AAK1: variants seen among roughly 807,000 people sequenced by gnomAD.
AAK1 encodes AP2 associated kinase 1.
AAK1 carries 37 observed loss-of-function variants against 116.0 expected under a neutral mutation model. That is an observed-to-expected ratio of 0.32 (90% CI 0.25 to 0.42). AAK1 has a LOEUF of 0.42. AAK1 is among the 10% of genes least tolerant of loss of function. The pLI, the probability that AAK1 is intolerant of heterozygous loss-of-function variation, is 1.00. For missense variants in AAK1, 919 were observed against 1,170.6 expected (o/e 0.79, Z 3.14); for synonymous variants, 458 against 439.9 (o/e 1.04, Z -0.51).
Position 69,458,209 on chromosome 2 carries a change from C to T in AAK1, c.*17660G>A, listed in dbSNP as rs1246599551. On this transcript the variant is annotated 3_prime_UTR_variant, in exon 22 of 22. Transcript: ENST00000409085. ...TGTTCACAGCCCGAGATTATGTGTA[C>T]ATTGTTTTCTGAGGCCTGATGACCT... is the stretch of plus-strand genomic sequence containing the variant. 1 of 152,142 alleles carries T rather than the reference C, an allele frequency of 6.6e-6. No individual in the cohort carries two copies. The highest frequency in any genetic ancestry group is 1.5e-5 in the Non-Finnish European group (1 of 68,022). The allele number at this position is 152,142 out of a possible 1,614,324, so 9.4% of individuals were successfully genotyped here.
At chr2:69,568,800 C>T (rs532950369) in intron 2 of AAK1, among the ~76,000 whole-genome samples, 6 of 152,324 alleles carry the variant, frequency 3.9e-5, no homozygotes, top group African/African-American at 1.2e-4. Context: ...CCATTAGTTA[C>T]AGAGCATTCT....
chr2:69,477,435 T>A (rs1044431549), intron 20 of AAK1, among the ~76,000 whole-genome samples: 1 of 152,048 alleles, frequency 6.6e-6, no homozygotes. Context: ...AAGTAACCAC[T>A]GTATATAATG....
chr2:69,500,696 T>TATATATATAC (rs1553410395), intron 16 of AAK1, among the ~76,000 whole-genome samples: 2 of 99,364 alleles, frequency 2.0e-5, no homozygotes, highest in Non-Finnish European at 3.8e-5. Context: ...TATATATATA[T>TATATATATAC]ATACACACAC....
intron 2 of AAK1, among the ~76,000 whole-genome samples, chr2:69,573,694 G>C (rs549708801): frequency 4.8e-4 from 73 of 152,224 alleles, no homozygotes; most frequent in African/African-American, 1.7e-3. Context: ...TATCCACAAA[G>C]TATGTACAAA....
At chr2:69,543,114 C>T (rs1193303957) in intron 4 of AAK1, among the ~76,000 whole-genome samples, 1 of 152,170 alleles carries the variant, frequency 6.6e-6, no homozygotes, top group Non-Finnish European at 1.5e-5. Flanking sequence ...ACAGCTTAGT[C>T]TCTCTGGCTT....
chr2:69,505,336 C>T (rs2104958928), intron 16 of AAK1, among the ~76,000 whole-genome samples: 1 of 152,242 alleles, frequency 6.6e-6, no homozygotes, highest in East Asian at 1.9e-4. Flanking sequence ...CCAGACTGTC[C>T]TGCCACTTTA....
intron 2 of AAK1, among the ~76,000 whole-genome samples, chr2:69,557,353 ATGAAGTGGCG>A (rs1401593117): frequency 8.2e-5 from 12 of 146,492 alleles, no homozygotes; most frequent in African/African-American, 3.1e-4. Context: ...CCAGACTGGC[ATGAAGTGGCG>A]TGATCACTGC....
chr2:69,593,636 T>C (rs1673133241), intron 2 of AAK1, among the ~76,000 whole-genome samples: 1 of 152,202 alleles, frequency 6.6e-6, no homozygotes, highest in Admixed American at 6.5e-5. Flanking sequence ...TTTATATATC[T>C]TTTCTTTCAT....
In AAK1 at chr2:69,468,077, C is replaced by T. The variant is rs1432074803; in HGVS notation, c.*7792G>A. 36 of 985,286 alleles carry T rather than the reference C, an allele frequency of 3.7e-5. No individual in the cohort carries two copies. Among genetic ancestry groups the T allele is most frequent in the Non-Finnish European group, 4.2e-5 (35 of 829,896 alleles). The allele number at this position is 985,286 out of a possible 1,614,324, so 61.0% of individuals were successfully genotyped here. On this transcript the variant is annotated 3_prime_UTR_variant, in exon 22 of 22. Coordinates refer to ENST00000409085, the MANE Select transcript of AAK1 (RefSeq NM_014911.5). Reference sequence around the variant, plus strand: ...CGTTAAGTTAAATTCTGTACTGGTGCCAAATGGCTTTCAGAATAGTATTTG... The same window carrying T: ...CGTTAAGTTAAATTCTGTACTGGTGTCAAATGGCTTTCAGAATAGTATTTG...
Position 69,467,331 on chromosome 2 carries a change from T to C in AAK1, c.*8538A>G. On this transcript the variant is annotated 3_prime_UTR_variant, in exon 22 of 22. Coordinates refer to ENST00000409085, the MANE Select transcript of AAK1 (RefSeq NM_014911.5). ...GCATTAGCAAACTCCAATATACTAG[T>C]CTATTTCTATCTAGGTAGAGGTGCC... 1.0e-6 allele frequency: 1 copy of C among 985,462 alleles called. No individual in the cohort carries two copies. Among genetic ancestry groups the C allele is most frequent in the Non-Finnish European group, 1.2e-6 (1 of 829,936 alleles). 61.0% of individuals were successfully genotyped at this position (985,462 alleles called of 1,614,324 possible).
chr2:69,500,550 A>C (rs1365844679), intron 16 of AAK1, among the ~76,000 whole-genome samples: 1 of 151,630 alleles, frequency 6.6e-6, no homozygotes, highest in Non-Finnish European at 1.5e-5. Flanking sequence ...TGAGCAAGAA[A>C]AGTGCTTACC....
intron 13 of AAK1, among the ~76,000 whole-genome samples, chr2:69,511,287 G>A (rs2104973676): frequency 6.6e-6 from 1 of 152,302 alleles, no homozygotes; most frequent in South Asian, 2.1e-4. Flanking sequence ...TTGGGATATT[G>A]ACTGCCCTCA....
At chr2:69,604,575 T>C (rs1227800593) in intron 2 of AAK1, among the ~76,000 whole-genome samples, 2 of 152,188 alleles carry the variant, frequency 1.3e-5, no homozygotes, top group Admixed American at 6.5e-5. Flanking sequence ...TCACCTCTAT[T>C]CTGAAGCAGA....
chr2:69,459,575 T>A lies in AAK1; in HGVS notation c.*16294A>T, dbSNP rs1674291545. 6.6e-6 allele frequency: 1 copy of A among 152,224 alleles called. No homozygotes were observed. The highest frequency in any genetic ancestry group is 2.4e-5 in the African/African-American group (1 of 41,452). The allele number at this position is 152,224 out of a possible 1,614,324, so 9.4% of individuals were successfully genotyped here. A position where few individuals can be genotyped will look rare whatever the true frequency, so the allele number is the denominator to read the frequency against. ...CACCACACCCCGCCCATTTCATTCT[T>A]ATTTGGTGAGATTGTCACAGACTTG... On this transcript the variant is annotated 3_prime_UTR_variant, in exon 22 of 22. Transcript: ENST00000409085.
intron 2 of AAK1, among the ~76,000 whole-genome samples, chr2:69,575,810 G>T (rs2105131202): frequency 6.6e-6 from 1 of 152,268 alleles, no homozygotes; most frequent in African/African-American, 2.4e-5. Flanking sequence ...CAGTATTTCA[G>T]TATTGATTTT....
At chr2:69,505,026 C>T (rs1203345299) in intron 16 of AAK1, among the ~76,000 whole-genome samples, 1 of 152,014 alleles carries the variant, frequency 6.6e-6, no homozygotes, top group African/African-American at 2.4e-5. Flanking sequence ...TGCTTCTATA[C>T]TTTTAACAAA....
At chr2:69,518,701 G>A (rs916380000) in intron 12 of AAK1, among the ~76,000 whole-genome samples, 2 of 152,162 alleles carry the variant, frequency 1.3e-5, no homozygotes, top group Non-Finnish European at 2.9e-5. Context: ...ACAGGCGCGA[G>A]CCACTGCACC....
At chr2:69,564,417 GAAAAA>G (rs35843540) in intron 2 of AAK1, among the ~76,000 whole-genome samples, 4 of 137,878 alleles carry the variant, frequency 2.9e-5, no homozygotes, top group Non-Finnish European at 6.3e-5. Context: ...AGAAAGGCTA[GAAAAA>G]AAAAAAGGAG....
chr2:69,551,816 C>T (rs1224634338), intron 3 of AAK1, among the ~76,000 whole-genome samples: 1 of 152,200 alleles, frequency 6.6e-6, no homozygotes, highest in Admixed American at 6.5e-5. Flanking sequence ...CCATATGGAT[C>T]AAAGAACTCA....
Sources: allele counts gnomAD v4.1 joint callset (sites outside exome capture counted in the v4.1 genomes callset), GRCh38; gene constraint gnomAD v4.1.1; transcripts MANE v1.5; gene names NCBI Gene and HGNC (gene_info 2026-07-23, HGNC 2026-07-21).